The following GABRB2 variants were observed in gnomAD, a reference collection of about 807,000 sequenced individuals.
GABRB2 encodes the protein gamma-aminobutyric acid receptor subunit beta-2.
GABRB2 carries 16 observed loss-of-function variants against 54.7 expected under a neutral mutation model. The ratio of observed to expected loss-of-function variants is 0.29; its 90% CI spans 0.20 to 0.44. GABRB2 has a LOEUF of 0.44. Among genes scored for constraint, GABRB2 ranks in the 20% least tolerant of loss-of-function variants. GABRB2 has a pLI of 1.00. For missense variants in GABRB2, 355 were observed against 644.0 expected, an observed-to-expected ratio of 0.55 and a Z score of 4.86; for synonymous variants, 244 against 233.8, an observed-to-expected ratio of 1.04 and a Z score of -0.40.
intron 5 of GABRB2, among the ~76,000 whole-genome samples, chr5:161,354,204 G>A (rs1395391402): frequency 6.6e-6 from 1 of 151,870 alleles, no homozygotes; most frequent in Non-Finnish European, 1.5e-5. Context: ...TTGGACCTAG[G>A]AGCCTACATA....
intron 4 of GABRB2, among the ~76,000 whole-genome samples, chr5:161,425,525 T>C (rs1756973420): frequency 6.6e-6 from 1 of 152,090 alleles, no homozygotes; most frequent in African/African-American, 2.4e-5. Context: ...ATAAGGAATG[T>C]ACATTATTTT....
intron 3 of GABRB2, among the ~76,000 whole-genome samples, chr5:161,507,409 G>A (rs971292628): frequency 1.4e-4 from 22 of 152,036 alleles, no homozygotes; most frequent in African/African-American, 5.1e-4. Context: ...AGGAAGCTAA[G>A]TGAAGGTTAT....
rs78789939 is a variant in GABRB2, at chr5:161,294,416, C to T, written c.1204G>A (p.Glu402Lys). The T allele has an allele frequency of 3.1e-6, 5 of 1,611,374 alleles. No individual in the cohort carries two copies. The highest frequency in any genetic ancestry group is 4.2e-6 in the Non-Finnish European group (5 of 1,178,044). Reference protein sequence around the residue: ...DFSLYTMDPHENILLSTLEIK... With the variant: ...DFSLYTMDPHKNILLSTLEIK... ...TCGAGAGTGCTCAGTAAGATGTTCTCATGGGGGTCCATCTGCAAGGGAAGA... is the reference window on the plus strand; with the variant it reads ...TCGAGAGTGCTCAGTAAGATGTTCTTATGGGGGTCCATCTGCAAGGGAAGA... The change falls in exon 10 of 10, where the codon GAG becomes AAG. Residue 402 changes from glutamate to lysine, a missense_variant. Glu to Lys is a moderately conservative substitution (Grantham distance 56). Around this residue, in one of 6 missense-constraint regions of GABRB2, gnomAD observed 201 missense variants for 228.1 expected, o/e 0.88. Coordinates refer to ENST00000393959, the MANE Select transcript of GABRB2 (RefSeq NM_001371727.1).
chr5:161,453,943 C>A (rs1408292430), intron 4 of GABRB2, among the ~76,000 whole-genome samples: 1 of 149,460 alleles, frequency 6.7e-6, no homozygotes, highest in Non-Finnish European at 1.5e-5. Context: ...GAGGCTGGGG[C>A]AGGAGAATTG....
At chr5:161,395,350 G>T (rs548343486) in intron 5 of GABRB2, among the ~76,000 whole-genome samples, 3 of 152,070 alleles carry the variant, frequency 2.0e-5, no homozygotes, top group Non-Finnish European at 4.4e-5. Flanking sequence ...GATAGTAAAT[G>T]ATTAACAAAC....
chr5:161,404,843 T>C (rs1756299999), intron 5 of GABRB2, among the ~76,000 whole-genome samples: 1 of 152,098 alleles, frequency 6.6e-6, no homozygotes, highest in South Asian at 2.1e-4. Context: ...GTCCTTTAAC[T>C]CAAGTCCTAC....
rs191644274 is a variant in GABRB2 at position 161,361,993 on chromosome 5, C to A, written c.542-25224G>T. On this transcript the variant is annotated intron_variant, in intron 5 of 9. Coordinates refer to ENST00000393959, the MANE Select transcript of GABRB2 (RefSeq NM_001371727.1). ...GGGTCCAGTTTCAGTTTTCTGCATA[C>A]GGCTAGCCAGTTTTCCCAGCACTAT... Among the ~76,000 whole-genome samples the A allele has an allele frequency of 2.6e-3, 402 of 152,180 alleles. 1 individual carries two copies. The highest frequency in any genetic ancestry group is 4.1e-3 in the Admixed American group (63 of 15,262).
chr5:161,330,551 C>T (rs914179764), intron 8 of GABRB2: 2 of 188,942 alleles, frequency 1.1e-5, no homozygotes, highest in African/African-American at 4.7e-5. Context: ...ACTGAAGCAA[C>T]ATTAAATTTC....
intron 4 of GABRB2, among the ~76,000 whole-genome samples, chr5:161,456,933 T>C (rs1757970931): frequency 6.6e-6 from 1 of 152,156 alleles, no homozygotes; most frequent in Non-Finnish European, 1.5e-5. Flanking sequence ...TATTTTAGCA[T>C]TATATAAAAT....
chr5:161,364,054 C>A (rs1473629165), intron 5 of GABRB2, among the ~76,000 whole-genome samples: 1 of 152,128 alleles, frequency 6.6e-6, no homozygotes, highest in Non-Finnish European at 1.5e-5. Context: ...AAATATAATA[C>A]ATTAAACACT....
chr5:161,411,696 T>C (rs1580963172), intron 4 of GABRB2, among the ~76,000 whole-genome samples: 1 of 152,248 alleles, frequency 6.6e-6, no homozygotes, highest in East Asian at 1.9e-4. Context: ...TTAGTACCTT[T>C]ATTATGTTAC....
intron 9 of GABRB2, among the ~76,000 whole-genome samples, chr5:161,300,915 A>T (rs1033404618): frequency 6.6e-6 from 1 of 152,180 alleles, no homozygotes; most frequent in Non-Finnish European, 1.5e-5. Flanking sequence ...GCTTTCATAG[A>T]CAGAGAACAA....
chr5:161,460,347 A>T (rs1335186798), intron 3 of GABRB2, among the ~76,000 whole-genome samples: 1 of 152,196 alleles, frequency 6.6e-6, no homozygotes, highest in Non-Finnish European at 1.5e-5. Flanking sequence ...ATATAGAGGC[A>T]AATACTAATT....
intron 3 of GABRB2, among the ~76,000 whole-genome samples, chr5:161,474,124 G>C (rs1758526262): frequency 6.6e-6 from 1 of 151,986 alleles, no homozygotes; most frequent in Non-Finnish European, 1.5e-5. Flanking sequence ...GGATTGGGAA[G>C]AGACCAGCTC....
At chr5:161,459,939 T>C (rs1218237109) in intron 3 of GABRB2, 95 bp from the exon 4 acceptor site, 3 of 682,530 alleles carry the variant, frequency 4.4e-6, no homozygotes, top group Non-Finnish European at 7.2e-6. Flanking sequence ...AATGAATTTA[T>C]TTTTAATTTA....
intron 5 of GABRB2, among the ~76,000 whole-genome samples, chr5:161,398,109 G>A (rs1052209039): frequency 6.6e-6 from 1 of 152,070 alleles, no homozygotes; most frequent in Admixed American, 6.6e-5. Context: ...ACAAAGTACC[G>A]AATATATTTG....
chr5:161,305,322 T>A (rs565757125), intron 9 of GABRB2, among the ~76,000 whole-genome samples: 1 of 152,170 alleles, frequency 6.6e-6, no homozygotes, highest in African/African-American at 2.4e-5. Context: ...GGCCGATATA[T>A]CAATTTTAAT....
chr5:161,405,477 C>A (rs1292506543), intron 5 of GABRB2, among the ~76,000 whole-genome samples: 1 of 152,036 alleles, frequency 6.6e-6, no homozygotes, highest in Non-Finnish European at 1.5e-5. Flanking sequence ...TGAGAAACTG[C>A]AGCTTGAAGA....
At chr5:161,420,967 T>A (rs191130999) in intron 4 of GABRB2, among the ~76,000 whole-genome samples, 101 of 152,276 alleles carry the variant, frequency 6.6e-4, no homozygotes, top group African/African-American at 2.4e-3. Context: ...CTCCTTTCTA[T>A]CATTTTGATG....
Sources: gnomAD v4.1 joint callset for allele counts (sites outside exome capture counted in the v4.1 genomes callset) on GRCh38, gnomAD v4.1.1 for gene constraint, gnomAD v4.1.1 regional missense constraint, MANE v1.5 for transcripts, NCBI Gene and HGNC (gene_info 2026-07-23, HGNC 2026-07-21) for gene names.